CNTNAP5: variants seen among roughly 807,000 people sequenced by gnomAD.
The protein encoded by CNTNAP5 is contactin-associated protein-like 5.
In CNTNAP5, 72 loss-of-function variants were observed where a neutral mutation model predicts 150.2. The ratio of observed to expected loss-of-function variants is 0.48; its 90% confidence interval spans 0.40 to 0.58. The LOEUF (loss-of-function observed/expected upper bound fraction) is 0.58. CNTNAP5 is among the 20% of genes least tolerant of loss of function. CNTNAP5 has a pLI of 0.00. For synonymous variants in CNTNAP5, 672 were observed against 619.8 expected (o/e 1.08, Z -1.25); for missense variants, 1,636 against 1,626.2 (o/e 1.01, Z -0.10).
intron 1 of CNTNAP5, among the ~76,000 whole-genome samples, chr2:124,112,502 T>C (rs1168092614): frequency 6.6e-6 from 1 of 152,232 alleles, no homozygotes; most frequent in Non-Finnish European, 1.5e-5. Context: ...CAGTTAGACA[T>C]AGACTTCCTT....
At chr2:124,027,093 G>T (rs1680912865) in intron 1 of CNTNAP5, among the ~76,000 whole-genome samples, 1 of 152,218 alleles carries the variant, frequency 6.6e-6, no homozygotes, top group South Asian at 2.1e-4. Flanking sequence ...CTCTCTAAGG[G>T]AGTATCCAAA....
chr2:124,543,519 A>T (rs183227214), intron 10 of CNTNAP5, among the ~76,000 whole-genome samples: 1 of 152,244 alleles, frequency 6.6e-6, no homozygotes, highest in Admixed American at 6.5e-5. Context: ...CAGGAATGGA[A>T]CAAAAAATTT....
chr2:124,245,633 G>T (rs1316474091), intron 3 of CNTNAP5, among the ~76,000 whole-genome samples: 1 of 150,668 alleles, frequency 6.6e-6, no homozygotes, highest in African/African-American at 2.4e-5. Context: ...GTATATATAT[G>T]TGTGTGTTTG....
intron 11 of CNTNAP5, among the ~76,000 whole-genome samples, chr2:124,589,426 G>T (rs1457847678): frequency 6.6e-6 from 1 of 152,124 alleles, no homozygotes; most frequent in African/African-American, 2.4e-5. Context: ...TCCATTCATT[G>T]GTTGGTAGGC....
rs567246129 is a variant in CNTNAP5 at position 124,900,884 on chromosome 2, C to T, written c.3437-1998C>T. On this transcript the variant is annotated intron_variant, in intron 21 of 23. Coordinates refer to ENST00000682447, the MANE Select transcript of CNTNAP5 (RefSeq NM_001367498.1). ...CTCTACCACCAATCTGTAGCTAATG[C>T]ATATTCTGAATTGTATCTGGGTACA... is the stretch of plus-strand genomic sequence containing the variant. Among the ~76,000 whole-genome samples, 44 of 151,710 alleles carry T rather than the reference C, an allele frequency of 2.9e-4. No individual in the cohort carries two copies. The South Asian group carries it at 3.3e-3, about 11-fold the overall frequency.
chr2:124,757,814 G>A (rs1680872689), intron 14 of CNTNAP5, among the ~76,000 whole-genome samples: 1 of 152,118 alleles, frequency 6.6e-6, no homozygotes, highest in Non-Finnish European at 1.5e-5. Context: ...TCAAACTCTA[G>A]CAGTGCCTCT....
intron 4 of CNTNAP5, among the ~76,000 whole-genome samples, chr2:124,434,066 A>G (rs1328201830): frequency 6.6e-6 from 1 of 152,142 alleles, no homozygotes; most frequent in Non-Finnish European, 1.5e-5. Context: ...TCATAATTAT[A>G]TCTATTTTTC....
intron 21 of CNTNAP5, among the ~76,000 whole-genome samples, chr2:124,877,517 A>C (rs1419136306): frequency 1.3e-5 from 2 of 152,120 alleles, no homozygotes; most frequent in Non-Finnish European, 2.9e-5. Flanking sequence ...GTCACATGAC[A>C]TGACTCTCAT....
At chr2:124,338,696 G>C (rs777369998) in intron 3 of CNTNAP5, among the ~76,000 whole-genome samples, 8 of 152,084 alleles carry the variant, frequency 5.3e-5, no homozygotes, top group Non-Finnish European at 5.9e-5. Flanking sequence ...ACTTCAGAGA[G>C]AGCCCTTCTC....
At chr2:124,382,361 G>A (rs1690818088) in intron 3 of CNTNAP5, among the ~76,000 whole-genome samples, 1 of 152,066 alleles carries the variant, frequency 6.6e-6, no homozygotes, top group African/African-American at 2.4e-5. Context: ...TAAGTGTGGG[G>A]GTGAGGAAGA....
At chr2:124,311,493 T>C (rs1430448186) in intron 3 of CNTNAP5, among the ~76,000 whole-genome samples, 1 of 152,066 alleles carries the variant, frequency 6.6e-6, no homozygotes, top group Admixed American at 6.5e-5. Context: ...AAAGATTTTT[T>C]GTCTTTTTAC....
intron 3 of CNTNAP5, among the ~76,000 whole-genome samples, chr2:124,312,629 G>GGT: frequency 6.6e-6 from 1 of 152,190 alleles, no homozygotes; most frequent in African/African-American, 2.4e-5. Flanking sequence ...GGACTGCAGT[G>GGT]GCACTACCTC....
chr2:124,598,224 A>T (rs1402758120), intron 11 of CNTNAP5, among the ~76,000 whole-genome samples: 3 of 138,102 alleles, frequency 2.2e-5, no homozygotes, highest in Admixed American at 7.8e-5. Flanking sequence ...GGCGCTCTGC[A>T]TTTTAGAGTT....
Position 124,417,597 on chromosome 2 carries a change from A to G in CNTNAP5, c.529+7A>G, listed in dbSNP as rs779417866. ...GTCTACGGATGTTCCTATAGTAAGT[A>G]CTCACATGTACCCTTTACCATTGCT... On this transcript the variant is annotated splice_region_variant and intron_variant, in intron 4 of 23. Transcript: ENST00000682447. The G allele has an allele frequency of 1.2e-6, 2 of 1,611,352 alleles. No individual in the cohort carries two copies. The highest frequency in any genetic ancestry group is 1.7e-6 in the Non-Finnish European group (2 of 1,178,604).
intron 19 of CNTNAP5, among the ~76,000 whole-genome samples, chr2:124,848,785 C>G (rs568585468): frequency 3.3e-4 from 50 of 152,116 alleles, no homozygotes; most frequent in African/African-American, 1.1e-3. Flanking sequence ...ATCTGTTGGT[C>G]ATTGTATGTT....
chr2:124,245,149 GC>G (rs1283478185), intron 3 of CNTNAP5, among the ~76,000 whole-genome samples: 4 of 152,040 alleles, frequency 2.6e-5, no homozygotes, highest in African/African-American at 4.8e-5. Flanking sequence ...TTCACATGTT[GC>G]TAAATATAAA....
chr2:124,345,797 C>A (rs559577096), intron 3 of CNTNAP5, among the ~76,000 whole-genome samples: 5 of 152,154 alleles, frequency 3.3e-5, no homozygotes, highest in African/African-American at 1.2e-4. Context: ...CAAAATTATC[C>A]GTTCCTCTAT....
intron 1 of CNTNAP5, among the ~76,000 whole-genome samples, chr2:124,069,780 A>C (rs904604065): frequency 1.3e-5 from 2 of 152,176 alleles, no homozygotes; most frequent in Admixed American, 6.6e-5. Context: ...GTTCTACAAG[A>C]AATGCTAAAG....
At chr2:124,070,596 C>A (rs1286523646) in intron 1 of CNTNAP5, among the ~76,000 whole-genome samples, 1 of 151,554 alleles carries the variant, frequency 6.6e-6, no homozygotes, top group Non-Finnish European at 1.5e-5. Context: ...AAAATAGAGA[C>A]AAAGAAGGGC....
Sources: gnomAD v4.1 joint callset for allele counts (sites outside exome capture counted in the v4.1 genomes callset) on GRCh38, gnomAD v4.1.1 for gene constraint, MANE v1.5 for transcripts, NCBI Gene and HGNC (gene_info 2026-07-23, HGNC 2026-07-21) for gene names.